GRM7: variants seen among roughly 807,000 people sequenced by gnomAD.
The protein encoded by GRM7 is metabotropic glutamate receptor 7.
In GRM7, 35 loss-of-function variants were observed where a neutral mutation model predicts 84.5. That is an observed-to-expected ratio of 0.41 (90% CI 0.32 to 0.55). The LOEUF is 0.55. Among genes scored for constraint, GRM7 ranks in the 20% least tolerant of loss-of-function variants. The pLI, the probability that GRM7 is intolerant of heterozygous loss-of-function variation, is 0.19. For synonymous variants in GRM7, 487 were observed against 455.1 expected (o/e 1.07, Z -0.89); for missense variants, 1,003 against 1,194.6 (o/e 0.84, Z 2.36).
chr3:7,201,007 T>TCGCC (rs1239248899), intron 2 of GRM7, among the ~76,000 whole-genome samples: 1 of 146,344 alleles, frequency 6.8e-6, no homozygotes, highest in African/African-American at 2.6e-5. Context: ...TCTCACTCTG[T>TCGCC]CGCCCAGGCT....
intron 1 of GRM7, among the ~76,000 whole-genome samples, chr3:6,890,539 G>T (rs9868299): frequency 2.0e-5 from 3 of 152,160 alleles, no homozygotes; most frequent in East Asian, 3.9e-4. Context: ...TAGTTGAGCG[G>T]TTTTGAGTGA....
At chr3:7,144,252 T>G (rs1694039141) in intron 1 of GRM7, among the ~76,000 whole-genome samples, 1 of 152,184 alleles carries the variant, frequency 6.6e-6, no homozygotes, top group South Asian at 2.1e-4. Flanking sequence ...AAGGTAATAT[T>G]CTTCCAAGCC....
At chr3:7,125,557 AT>A (rs749439789) in intron 1 of GRM7, among the ~76,000 whole-genome samples, 6 of 152,202 alleles carry the variant, frequency 3.9e-5, no homozygotes, top group Non-Finnish European at 7.3e-5. Flanking sequence ...TGTCTTCTTA[AT>A]TCATTCTGAG....
At chr3:7,674,673 C>T (rs138192889) in intron 8 of GRM7, among the ~76,000 whole-genome samples, 1 of 152,132 alleles carries the variant, frequency 6.6e-6, no homozygotes, top group Non-Finnish European at 1.5e-5. Flanking sequence ...TAATTATAGT[C>T]ACCATGTTGT....
intron 1 of GRM7, among the ~76,000 whole-genome samples, chr3:6,989,626 G>C (rs954002558): frequency 2.0e-5 from 3 of 152,204 alleles, no homozygotes; most frequent in African/African-American, 7.2e-5. Context: ...GATTGAAAGA[G>C]TGTTGTAAAA....
At chr3:7,369,244 C>T (rs921183204) in intron 4 of GRM7, among the ~76,000 whole-genome samples, 11 of 151,946 alleles carry the variant, frequency 7.2e-5, no homozygotes, top group African/African-American at 2.2e-4. Context: ...CATACAGACA[C>T]GATCTCATTA....
chr3:7,502,516 CA>C (rs111500679), intron 7 of GRM7, among the ~76,000 whole-genome samples: 7 of 151,350 alleles, frequency 4.6e-5, no homozygotes, highest in South Asian at 2.1e-4. Context: ...GCAAAACTGG[CA>C]AAAAAAATAA....
At chr3:6,932,753 T>C (rs773916787) in intron 1 of GRM7, among the ~76,000 whole-genome samples, 2,154 of 30,846 alleles carry the variant, frequency 0.07, 20 homozygotes, top group Non-Finnish European at 0.083. Flanking sequence ...CTTTCTCTCT[T>C]TTTTTTTTTT....
At chr3:7,018,825 C>T (rs549368260) in intron 1 of GRM7, among the ~76,000 whole-genome samples, 1 of 152,260 alleles carries the variant, frequency 6.6e-6, no homozygotes, top group Admixed American at 6.5e-5. Context: ...GGCCAGGCGC[C>T]GTGGCTCACG....
At chr3:7,671,832 T>G (rs1699930841) in intron 8 of GRM7, among the ~76,000 whole-genome samples, 1 of 152,052 alleles carries the variant, frequency 6.6e-6, no homozygotes. Context: ...ACATGATTTC[T>G]TTTCATATTC....
chr3:6,994,444 C>T (rs1191574496), intron 1 of GRM7, among the ~76,000 whole-genome samples: 1 of 152,136 alleles, frequency 6.6e-6, no homozygotes, highest in Admixed American at 6.5e-5. Flanking sequence ...GTCTTAGTTG[C>T]CCTTAATAAA....
intron 1 of GRM7, among the ~76,000 whole-genome samples, chr3:7,130,560 GA>G (rs968563099): frequency 1.6e-3 from 66 of 41,510 alleles, no homozygotes; most frequent in African/African-American, 1.9e-3. Flanking sequence ...AAAAAGAAAA[GA>G]AAAAAAAAAA....
At position 6,990,209 on chromosome 3, in the gene GRM7, TTTCCCAAATCTTGGAAAGATGTTGG is replaced by T. The variant is rs554179077; in HGVS notation, c.519+128304_519+128328del. On this transcript the variant is annotated intron_variant, in intron 1 of 9. Coordinates refer to ENST00000357716, the MANE Select transcript of GRM7 (RefSeq NM_000844.4). ...GGAATTCCAAATATGATAGCTATTTTTTCCCAAATCTTGGAAAGATGTTGGTCCCCCAGCCTTGTATTTTAGTCTG... is the reference window on the plus strand; with the variant it reads ...GGAATTCCAAATATGATAGCTATTTTTCCCCCAGCCTTGTATTTTAGTCTG... Among the ~76,000 whole-genome samples the T allele has an allele frequency of 4.8e-3, 728 of 152,312 alleles. 6 individuals are homozygous for T. Among genetic ancestry groups the T allele is most frequent in the African/African-American group, 0.017 (687 of 41,562 alleles).
chr3:7,451,924 G>C (rs1697784854), intron 5 of GRM7: 1 of 152,368 alleles, frequency 6.6e-6, no homozygotes, highest in Admixed American at 6.6e-5. Flanking sequence ...TAGCTCTGTA[G>C]TTTGCAAAGG....
intron 1 of GRM7, among the ~76,000 whole-genome samples, chr3:6,991,943 G>T (rs1156562385): frequency 6.6e-6 from 1 of 151,590 alleles, no homozygotes; most frequent in African/African-American, 2.4e-5. Context: ...CTACCTCGCA[G>T]CTCCTTGCAA....
At chr3:7,284,648 TTTTTA>T in intron 2 of GRM7, among the ~76,000 whole-genome samples, 1 of 152,228 alleles carries the variant, frequency 6.6e-6, no homozygotes, top group South Asian at 2.1e-4. Flanking sequence ...GAGTTAAATA[TTTTTA>T]TTTTATTATT....
At chr3:6,927,090 T>C (rs1697324834) in intron 1 of GRM7, among the ~76,000 whole-genome samples, 1 of 152,190 alleles carries the variant, frequency 6.6e-6, no homozygotes, top group South Asian at 2.1e-4. Flanking sequence ...AAACTTCATG[T>C]TATACAATTT....
At chr3:6,982,023 T>C (rs1016942370) in intron 1 of GRM7, among the ~76,000 whole-genome samples, 10 of 152,064 alleles carry the variant, frequency 6.6e-5, no homozygotes, top group African/African-American at 4.8e-5. Context: ...CTATTCACAA[T>C]AGCAGAGACA....
At chr3:7,511,640 A>G (rs192024302) in intron 7 of GRM7, among the ~76,000 whole-genome samples, 177 of 152,346 alleles carry the variant, frequency 1.2e-3, no homozygotes, top group African/African-American at 4.0e-3. Context: ...GATTGTTTTA[A>G]GGATTCATTT....
Sources: allele counts gnomAD v4.1 joint callset (sites outside exome capture counted in the v4.1 genomes callset), GRCh38; gene constraint gnomAD v4.1.1; transcripts MANE v1.5; gene names NCBI Gene and HGNC (gene_info 2026-07-23, HGNC 2026-07-21).